Variants in ASB4 observed in about 807,000 individuals in gnomAD.
ASB4 encodes ankyrin repeat and SOCS box containing 4.
A neutral mutation model predicts 38.6 loss-of-function variants in ASB4; 35 were observed. The observed-to-expected ratio is 0.91, with a 90% CI of 0.69 to 1.20. The LOEUF (loss-of-function observed/expected upper bound fraction) is 1.20. ASB4 is among the 50% of genes most tolerant of loss of function. The pLI is 0.00. For missense variants in ASB4, 557 were observed against 527.2 expected (o/e 1.06, Z -0.55); for synonymous variants, 195 against 201.3 (o/e 0.97, Z 0.26).
intron 4 of ASB4, 69 bp from the exon 5 acceptor site, chr7:95,537,502 A>G: frequency 1.5e-6 from 2 of 1,374,704 alleles, no homozygotes; most frequent in South Asian, 1.5e-5. Flanking sequence ...TAGTTGCAGC[A>G]TTGCTGATTT....
chr7:95,497,106 A>G (rs1338621193), intron 2 of ASB4, among the ~76,000 whole-genome samples: 1 of 152,080 alleles, frequency 6.6e-6, no homozygotes, highest in Non-Finnish European at 1.5e-5. Context: ...GTTAGATCCT[A>G]CAGGGCCTTT....
At chr7:95,493,526 T>C (rs1192010463) in intron 1 of ASB4, among the ~76,000 whole-genome samples, 1 of 152,096 alleles carries the variant, frequency 6.6e-6, no homozygotes, top group African/African-American at 2.4e-5. Context: ...AATTAAATTA[T>C]TTTTTCCCCT....
At chr7:95,481,309 G>A (rs532769763), upstream of ASB4, among the ~76,000 whole-genome samples, 8 of 151,690 alleles carry the variant, frequency 5.3e-5, no homozygotes, top group Non-Finnish European at 1.2e-4. Context: ...ACAAACAAAG[G>A]CATCTTTATG....
At chr7:95,471,953 A>T in the ASB4 span, 1 of 151,830 alleles carries the variant, frequency 6.6e-6, no homozygotes, top group Non-Finnish European at 1.5e-5. Flanking sequence ...AGTAGTATTG[A>T]GTCTATACGC....
At chr7:95,473,249 C>T in the ASB4 span, among the ~76,000 whole-genome samples, 3 of 152,222 alleles carry the variant, frequency 2.0e-5, no homozygotes, top group Non-Finnish European at 4.4e-5. Flanking sequence ...ATCATGATAG[C>T]TAACATCTTC....
intron 2 of ASB4, among the ~76,000 whole-genome samples, chr7:95,512,181 G>A (rs1206867625): frequency 1.3e-5 from 2 of 152,192 alleles, no homozygotes; most frequent in African/African-American, 4.8e-5. Flanking sequence ...CTCGAACATG[G>A]CTTGATATGA....
intron 2 of ASB4, among the ~76,000 whole-genome samples, chr7:95,503,400 C>A (rs547145791): frequency 6.6e-6 from 1 of 152,142 alleles, no homozygotes; most frequent in Non-Finnish European, 1.5e-5. Context: ...TCTTGGACAG[C>A]GCTTGGCACA....
At chr7:95,510,064 C>T (rs1315028114) in intron 2 of ASB4, among the ~76,000 whole-genome samples, 1 of 151,880 alleles carries the variant, frequency 6.6e-6, no homozygotes, top group African/African-American at 2.4e-5. Context: ...AGCTTAAATG[C>T]TATATCAGAA....
At chr7:95,528,704 A>G in intron 3 of ASB4, 3 of 1,066,820 alleles carry the variant, frequency 2.8e-6, no homozygotes, top group Non-Finnish European at 3.4e-6. Flanking sequence ...GTAGCCATGA[A>G]AGGGCCACCC....
chr7:95,548,073 A>G, the ASB4 span, among the ~76,000 whole-genome samples: 284 of 152,296 alleles, frequency 1.9e-3, no homozygotes, highest in Admixed American at 5.8e-3. Flanking sequence ...GCATGTTTCC[A>G]TTTCCCTTGG....
In ASB4 at chr7:95,538,642, T is replaced by TA. The variant is rs1790928868; in HGVS notation, c.*883_*884insA. 1 of 152,174 alleles carries TA rather than the reference T, an allele frequency of 6.6e-6. No individual in the cohort carries two copies. The highest frequency in any genetic ancestry group is 1.5e-5 in the Non-Finnish European group (1 of 68,034). The allele number at this position is 152,174 out of a possible 1,614,324, so 9.4% of individuals were successfully genotyped here. A position where few individuals can be genotyped will look rare whatever the true frequency, so the allele number is the denominator to read the frequency against. ...GTAAAGTAGAGGGATCTCCTGCTCT[T>TA]GTTAGGGTATTTTTAAGGTTTTTTC... On this transcript the variant is annotated 3_prime_UTR_variant, in exon 5 of 5. Coordinates refer to ENST00000325885, the MANE Select transcript of ASB4 (RefSeq NM_016116.3).
intron 3 of ASB4, among the ~76,000 whole-genome samples, chr7:95,533,273 T>A (rs894089982): frequency 6.6e-6 from 1 of 152,178 alleles, no homozygotes; most frequent in African/African-American, 2.4e-5. Flanking sequence ...ATCTATTTTA[T>A]CAGTAGTAAA....
In ASB4 at chr7:95,511,662, CA is replaced by C. The variant is rs534302628; in HGVS notation, c.487+15617del. 3.1e-3 allele frequency among the ~76,000 whole-genome samples: 421 copies of C among 133,816 alleles called. 2 individuals are homozygous for C. The highest frequency in any genetic ancestry group is 8.1e-3 in the Middle Eastern group (2 of 248). 87.8% of individuals were successfully genotyped at this position (133,816 alleles called of 152,430 possible). A position where few individuals can be genotyped will look rare whatever the true frequency, so the allele number is the denominator to read the frequency against. On this transcript the variant is annotated intron_variant, in intron 2 of 4. Transcript: ENST00000325885. Reference sequence around the variant, plus strand: ...GGGCAACAAGAGCAAAACTCCGTCTCAAAAAAAAAAAATAAATAAATAAAAA... The same window carrying C: ...GGGCAACAAGAGCAAAACTCCGTCTCAAAAAAAAAAATAAATAAATAAAAA...
At chr7:95,491,544 C>A (rs1409888658) in intron 1 of ASB4, among the ~76,000 whole-genome samples, 1 of 152,168 alleles carries the variant, frequency 6.6e-6, no homozygotes, top group African/African-American at 2.4e-5. Context: ...TTCTAGGTTT[C>A]GAAGCCCTGG....
At chr7:95,486,227 T>A in intron 1 of ASB4, 69 bp downstream of exon 1, 1 of 1,254,128 alleles carries the variant, frequency 8.0e-7, no homozygotes, top group Non-Finnish European at 1.1e-6. Context: ...GTGTCAGTTA[T>A]CCACTCTAAA....
intron 2 of ASB4, among the ~76,000 whole-genome samples, chr7:95,513,293 A>ATGTGTGTGTGTGTGTGTG (rs3046862): frequency 2.2e-4 from 20 of 89,186 alleles, no homozygotes; most frequent in African/African-American, 8.7e-4. Flanking sequence ...AGCCAATAGA[A>ATGTGTGTGTGTGTGTGTG]TGTGTGTGTG....
At chr7:95,511,480 G>A (rs1790480163) in intron 2 of ASB4, among the ~76,000 whole-genome samples, 1 of 152,026 alleles carries the variant, frequency 6.6e-6, no homozygotes, top group African/African-American at 2.4e-5. Flanking sequence ...CCTGGGTGGG[G>A]GCAGGAGGAA....
chr7:95,531,905 T>C (rs1463118934), intron 3 of ASB4, among the ~76,000 whole-genome samples: 1 of 152,196 alleles, frequency 6.6e-6, no homozygotes, highest in Admixed American at 6.5e-5. Context: ...GTTAGCATTT[T>C]CTTATTCAGT....
At chr7:95,526,367 A>G (rs1015232767) in intron 2 of ASB4, among the ~76,000 whole-genome samples, 12 of 152,112 alleles carry the variant, frequency 7.9e-5, no homozygotes, top group African/African-American at 2.7e-4. Flanking sequence ...CCCCAGCACA[A>G]CTCTATAAAA....
Sources: gnomAD v4.1 joint callset for allele counts (sites outside exome capture counted in the v4.1 genomes callset) on GRCh38, gnomAD v4.1.1 for gene constraint, MANE v1.5 for transcripts, NCBI Gene and HGNC (gene_info 2026-07-23, HGNC 2026-07-21) for gene names.